Variants in CNTN5 observed in about 807,000 individuals in gnomAD.
CNTN5 encodes contactin-5.
In CNTN5, 77 loss-of-function variants were observed where a neutral mutation model predicts 129.1. That is an observed-to-expected ratio of 0.60 (90% CI 0.50 to 0.72). CNTN5 has a LOEUF of 0.72. Among genes scored for constraint, CNTN5 ranks in the 30% least tolerant of loss-of-function variants. The pLI, the probability that CNTN5 is intolerant of heterozygous loss-of-function variation, is 0.00. For synonymous variants in CNTN5, 509 were observed against 465.6 expected, an observed-to-expected ratio of 1.09 and a Z score of -1.20; for missense variants, 1,478 against 1,328.8, an observed-to-expected ratio of 1.11 and a Z score of -1.75.
chr11:99,542,279 T>C (rs1948144240), intron 2 of CNTN5, among the ~76,000 whole-genome samples: 1 of 152,122 alleles, frequency 6.6e-6, no homozygotes. Flanking sequence ...CATTTAAATT[T>C]GTAACTTTGT....
At chr11:100,036,101 C>G (rs1359751824) in intron 9 of CNTN5, among the ~76,000 whole-genome samples, 6 of 151,972 alleles carry the variant, frequency 3.9e-5, no homozygotes, top group Admixed American at 6.6e-5. Context: ...ATGGTTTCAG[C>G]TCTAACATTT....
intron 1 of CNTN5, among the ~76,000 whole-genome samples, chr11:99,258,766 AG>A (rs1484670769): frequency 6.6e-6 from 1 of 151,964 alleles, no homozygotes; most frequent in Non-Finnish European, 1.5e-5. Context: ...GAAAATTATT[AG>A]GGGTTGAATG....
chr11:99,258,415 C>T (rs936618456), intron 1 of CNTN5, among the ~76,000 whole-genome samples: 14 of 151,944 alleles, frequency 9.2e-5, no homozygotes, highest in Admixed American at 8.5e-4. Context: ...TCTGTCCCTG[C>T]ACAAACAAAA....
intron 1 of CNTN5, among the ~76,000 whole-genome samples, chr11:99,227,654 C>T (rs1174024694): frequency 6.6e-6 from 1 of 152,054 alleles, no homozygotes; most frequent in Non-Finnish European, 1.5e-5. Context: ...AATGCGTTAT[C>T]AATAATAAAG....
chr11:99,856,962 C>G (rs1419034286), intron 6 of CNTN5, among the ~76,000 whole-genome samples: 1 of 151,938 alleles, frequency 6.6e-6, no homozygotes, highest in South Asian at 2.1e-4. Flanking sequence ...CCACGTCTCT[C>G]TGACTGTCTT....
At chr11:100,330,994 T>C (rs1951895154) in intron 21 of CNTN5, among the ~76,000 whole-genome samples, 1 of 152,094 alleles carries the variant, frequency 6.6e-6, no homozygotes, top group Non-Finnish European at 1.5e-5. Flanking sequence ...ATAATAACAT[T>C]GAATGTAAAT....
intron 1 of CNTN5, among the ~76,000 whole-genome samples, chr11:99,311,835 C>T (rs1364346828): frequency 6.6e-6 from 1 of 152,138 alleles, no homozygotes; most frequent in East Asian, 1.9e-4. Flanking sequence ...GTCCTCAAAG[C>T]CCCAGAAGAT....
chr11:100,011,389 T>C (rs563772454), intron 9 of CNTN5, among the ~76,000 whole-genome samples: 1 of 152,158 alleles, frequency 6.6e-6, no homozygotes, highest in South Asian at 2.1e-4. Flanking sequence ...CATCAGTTTA[T>C]CCATAATGAC....
intron 6 of CNTN5, among the ~76,000 whole-genome samples, chr11:99,888,159 G>A (rs899881966): frequency 1.3e-5 from 2 of 152,132 alleles, no homozygotes; most frequent in African/African-American, 4.8e-5. Flanking sequence ...CTCATTATAT[G>A]TTACGAATCA....
chr11:99,198,792 G>GT (rs975594627), intron 1 of CNTN5, among the ~76,000 whole-genome samples: 4 of 151,982 alleles, frequency 2.6e-5, no homozygotes, highest in Non-Finnish European at 2.9e-5. Context: ...TTGTTTGTTT[G>GT]TTTTTTGTGT....
chr11:100,205,062 A>G (rs1424239753), intron 15 of CNTN5, among the ~76,000 whole-genome samples: 3 of 152,072 alleles, frequency 2.0e-5, no homozygotes, highest in African/African-American at 7.2e-5. Flanking sequence ...TAGGATTTAT[A>G]TAAGCAAACA....
intron 2 of CNTN5, among the ~76,000 whole-genome samples, chr11:99,471,483 G>C (rs989927489): frequency 2.0e-5 from 3 of 152,046 alleles, no homozygotes; most frequent in Non-Finnish European, 4.4e-5. Context: ...CATTCCATCA[G>C]TGAAGAGACA....
At chr11:100,292,313 T>C (rs2138866498) in intron 18 of CNTN5, among the ~76,000 whole-genome samples, 1 of 152,148 alleles carries the variant, frequency 6.6e-6, no homozygotes, top group Admixed American at 6.5e-5. Context: ...TGCATTGAGT[T>C]CTTTGAAGAC....
At position 99,956,908 on chromosome 11, in the gene CNTN5, T is replaced by G. The variant is rs760662211; in HGVS notation, c.776T>G (p.Val259Gly). 1 of 1,613,916 alleles carries G rather than the reference T, an allele frequency of 6.2e-7. No homozygotes were observed. Among genetic ancestry groups the G allele is most frequent in the Non-Finnish European group, 8.5e-7 (1 of 1,179,850 alleles). The change falls in exon 8 of 25, where the codon GTC becomes GGC. Residue 259 changes from valine to glycine, a missense_variant. Val to Gly is a moderately radical substitution (Grantham distance 109). Transcript: ENST00000524871. ...ACAGGCAACCTTTATATTTCTAAAG[T>G]CCAAACATCAGATGTTGGCAGCTAT... ...QETGNLYISK[V>G]QTSDVGSYIC...
At chr11:99,777,970 G>A (rs1945182778) in intron 3 of CNTN5, among the ~76,000 whole-genome samples, 1 of 151,724 alleles carries the variant, frequency 6.6e-6, no homozygotes, top group South Asian at 2.1e-4. Context: ...CTGTGATATT[G>A]TTTAACAGCC....
chr11:99,402,333 G>A (rs1320594780), intron 2 of CNTN5, among the ~76,000 whole-genome samples: 1 of 152,036 alleles, frequency 6.6e-6, no homozygotes, highest in Non-Finnish European at 1.5e-5. Flanking sequence ...ATGATCATAT[G>A]GTTTTTGTCC....
chr11:100,058,865 G>T (rs963273615), intron 9 of CNTN5, among the ~76,000 whole-genome samples: 1 of 152,066 alleles, frequency 6.6e-6, no homozygotes, highest in Non-Finnish European at 1.5e-5. Flanking sequence ...AAAAATTCTA[G>T]CTGGCTACAC....
chr11:100,303,412 A>G (rs1951273327), intron 20 of CNTN5, among the ~76,000 whole-genome samples: 1 of 151,662 alleles, frequency 6.6e-6, no homozygotes, highest in Non-Finnish European at 1.5e-5. Flanking sequence ...TTCAAGAAAT[A>G]ATGAATACTC....
intron 1 of CNTN5, among the ~76,000 whole-genome samples, chr11:99,107,331 G>C (rs1867043273): frequency 6.6e-6 from 1 of 152,086 alleles, no homozygotes; most frequent in Non-Finnish European, 1.5e-5. Context: ...GCAAAATTAA[G>C]ATTAAAATCA....
Sources: gnomAD v4.1 joint callset for allele counts (sites outside exome capture counted in the v4.1 genomes callset) on GRCh38, gnomAD v4.1.1 for gene constraint, MANE v1.5 for transcripts, NCBI Gene and HGNC (gene_info 2026-07-23, HGNC 2026-07-21) for gene names.